Variants in MALRD1 observed in about 807,000 individuals in gnomAD.
The protein encoded by MALRD1 is MAM and LDL receptor class A domain containing 1, also known as MAM and LDL-receptor class A domain-containing protein 1.
Under a neutral mutation model 242.1 loss-of-function variants are expected in MALRD1, and 247 were observed. The observed-to-expected ratio is 1.02, with a 90% CI of 0.92 to 1.13. The LOEUF (loss-of-function observed/expected upper bound fraction) is 1.13. Among genes scored for constraint, MALRD1 ranks in the 50% most tolerant of loss-of-function variants. The pLI is 0.00. For synonymous variants in MALRD1, 995 were observed against 866.6 expected (o/e 1.15, Z -2.60); for missense variants, 2,989 against 2,533.1 (o/e 1.18, Z -3.86).
intron 1 of MALRD1, among the ~76,000 whole-genome samples, chr10:19,063,137 C>A (rs1834870907): frequency 6.6e-6 from 1 of 151,840 alleles, no homozygotes; most frequent in South Asian, 2.1e-4. Context: ...CAGAGCAAGA[C>A]CCTGTCCCCC....
intron 31 of MALRD1, among the ~76,000 whole-genome samples, chr10:19,504,356 G>A (rs369514442): frequency 2.0e-5 from 3 of 151,986 alleles, no homozygotes; most frequent in Admixed American, 6.6e-5. Flanking sequence ...CTTAACCTTC[G>A]TATTCAGGGC....
At chr10:19,383,626 C>T (rs1845931157) in intron 26 of MALRD1, among the ~76,000 whole-genome samples, 1 of 151,966 alleles carries the variant, frequency 6.6e-6, no homozygotes, top group African/African-American at 2.4e-5. Flanking sequence ...GCTGCTTAGT[C>T]TATTACATGT....
chr10:19,101,407 A>C (rs1836247362), intron 4 of MALRD1, among the ~76,000 whole-genome samples: 1 of 141,830 alleles, frequency 7.1e-6, no homozygotes. Flanking sequence ...TATTATTCAT[A>C]TATTATATAT....
At chr10:19,354,158 G>T (rs944845896) in intron 26 of MALRD1, among the ~76,000 whole-genome samples, 4 of 151,920 alleles carry the variant, frequency 2.6e-5, no homozygotes, top group Admixed American at 6.6e-5. Context: ...TCTTGAATGA[G>T]GTCATATTTT....
intron 38 of MALRD1, among the ~76,000 whole-genome samples, chr10:19,709,370 T>C (rs1382061074): frequency 6.6e-6 from 1 of 151,914 alleles, no homozygotes; most frequent in Non-Finnish European, 1.5e-5. Context: ...TGAGCTAAGA[T>C]TGGAGATTGG....
chr10:19,567,449 C>G, intron 32 of MALRD1, 53 bp from the exon 33 acceptor site: 1 of 1,434,454 alleles, frequency 7.0e-7, no homozygotes, highest in Non-Finnish European at 9.6e-7. Context: ...TCTGGATGTC[C>G]TGATACTTCT....
intron 28 of MALRD1, among the ~76,000 whole-genome samples, chr10:19,405,999 C>T (rs1847085365): frequency 6.6e-6 from 1 of 152,080 alleles, no homozygotes; most frequent in South Asian, 2.1e-4. Flanking sequence ...TAGCTGGAGA[C>T]AGACTTGGAT....
chr10:19,402,084 T>A (rs1441855033), intron 28 of MALRD1, among the ~76,000 whole-genome samples: 1 of 152,202 alleles, frequency 6.6e-6, no homozygotes, highest in Non-Finnish European at 1.5e-5. Flanking sequence ...GGGGGCAATA[T>A]TGGCCCCTCT....
chr10:19,463,212 T>C (rs986340570), intron 29 of MALRD1, among the ~76,000 whole-genome samples: 1 of 152,236 alleles, frequency 6.6e-6, no homozygotes, highest in Admixed American at 6.5e-5. Flanking sequence ...TAGGTGGTGT[T>C]TGGTTACATG....
chr10:19,576,786 C>T (rs541776630), intron 33 of MALRD1, among the ~76,000 whole-genome samples: 59 of 152,148 alleles, frequency 3.9e-4, no homozygotes, highest in Non-Finnish European at 7.1e-4. Flanking sequence ...AGGGGCAGAG[C>T]GAAAGCTGCT....
At chr10:19,550,029 A>G (rs1231422299) in intron 32 of MALRD1, among the ~76,000 whole-genome samples, 6 of 152,182 alleles carry the variant, frequency 3.9e-5, no homozygotes, top group African/African-American at 1.4e-4. Context: ...AGTATTTCAT[A>G]TATATAAACC....
Position 19,128,288 on chromosome 10 carries a change from A to T in MALRD1, c.1011A>T (p.Leu337=). Residue 337 remains leucine, a synonymous_variant, in exon 8 of 40, where the codon CTA becomes CTT. Transcript: ENST00000454679. ...TLNHLDSRAY[L]NSSVCHCLGK... ...ACCATTTAGACAGCAGGGCTTACCTAAATAGCTCTGTGTGTCATTGCCTGG... is the reference window on the plus strand; with the variant it reads ...ACCATTTAGACAGCAGGGCTTACCTTAATAGCTCTGTGTGTCATTGCCTGG... The T allele has an allele frequency of 8.1e-7, 1 of 1,233,522 alleles. No individual in the cohort carries two copies. The highest frequency in any genetic ancestry group is 1.0e-6 in the Non-Finnish European group (1 of 987,812). 76.4% of individuals were successfully genotyped at this position (1,233,522 alleles called of 1,614,324 possible).
At chr10:19,587,955 T>A (rs1191190891) in intron 33 of MALRD1, among the ~76,000 whole-genome samples, 1 of 151,334 alleles carries the variant, frequency 6.6e-6, no homozygotes, top group Non-Finnish European at 1.5e-5. Context: ...TCTTTTAAGA[T>A]CTAGTAGAAA....
At chr10:19,698,484 A>G (rs1315780440) in intron 38 of MALRD1, among the ~76,000 whole-genome samples, 1 of 152,208 alleles carries the variant, frequency 6.6e-6, no homozygotes, top group Non-Finnish European at 1.5e-5. Flanking sequence ...AGTCTATACT[A>G]GGAGGCAACT....
intron 28 of MALRD1, among the ~76,000 whole-genome samples, chr10:19,423,420 A>C (rs1453810854): frequency 6.6e-6 from 1 of 152,024 alleles, no homozygotes; most frequent in Non-Finnish European, 1.5e-5. Context: ...ATATTAAATG[A>C]TAGGTAGATT....
At chr10:19,336,894 A>G (rs566200682) in intron 24 of MALRD1, among the ~76,000 whole-genome samples, 86 of 152,242 alleles carry the variant, frequency 5.6e-4, no homozygotes, top group Middle Eastern at 6.8e-3. Context: ...AGACAAAACT[A>G]TTTAATTAAT....
chr10:19,189,920 C>T (rs1377825099), intron 14 of MALRD1, among the ~76,000 whole-genome samples: 2 of 151,994 alleles, frequency 1.3e-5, no homozygotes, highest in Non-Finnish European at 2.9e-5. Context: ...GGATGTCCAT[C>T]CATATCCATG....
chr10:19,246,487 A>G (rs1839053357), intron 18 of MALRD1, among the ~76,000 whole-genome samples: 1 of 152,104 alleles, frequency 6.6e-6, no homozygotes, highest in South Asian at 2.1e-4. Flanking sequence ...AAAAGCCTGG[A>G]TGTAATTTGA....
intron 34 of MALRD1, 53 bp from the exon 35 acceptor site, chr10:19,607,724 G>C: frequency 6.6e-7 from 1 of 1,513,730 alleles, no homozygotes; most frequent in South Asian, 1.3e-5. Flanking sequence ...AATTCATTGG[G>C]ACAAAAAAAA....
Sources: gnomAD v4.1 joint callset for allele counts (sites outside exome capture counted in the v4.1 genomes callset) on GRCh38, gnomAD v4.1.1 for gene constraint, MANE v1.5 for transcripts, NCBI Gene and HGNC (gene_info 2026-07-23, HGNC 2026-07-21) for gene names.